Variants in BTN3A2 observed in about 807,000 individuals in gnomAD.
The protein encoded by BTN3A2 is butyrophilin subfamily 3 member A2, also known as butyrophilin protein.
BTN3A2 carries 25 observed loss-of-function variants against 37.6 expected under a neutral mutation model. The ratio of observed to expected loss-of-function variants is 0.66; its 90% CI spans 0.48 to 0.93. The LOEUF is 0.93. Among genes scored for constraint, BTN3A2 ranks in the 40% least tolerant of loss-of-function variants. The probability of loss-of-function intolerance (pLI) is 0.00; values close to 1 mark genes in which losing one functional copy is unlikely to be tolerated. For synonymous variants in BTN3A2, 122 were observed against 159.4 expected (o/e 0.77, Z 1.77); for missense variants, 266 against 410.9 (o/e 0.65, Z 3.05).
rs750198408 is a variant in BTN3A2, at chr6:26,373,237, C to CTTTTTTTTTTTT, written c.917-25_917-14dup. On this transcript the variant is annotated intron_variant, in intron 6 of 10. Transcript: ENST00000377708. ...ACCAACCTCACCCATAACAGTTCAT[C>CTTTTTTTTTTTT]TTTTTTTTTTTTTTTTTTTTTTTTT... The CTTTTTTTTTTTT allele has an allele frequency of 8.9e-5, 121 of 1,352,730 alleles. 1 individual carries two copies. Among genetic ancestry groups the CTTTTTTTTTTTT allele is most frequent in the South Asian group, 2.3e-4 (17 of 75,514 alleles). The allele number at this position is 1,352,730 out of a possible 1,614,324, so 83.8% of individuals were successfully genotyped here. A position where few individuals can be genotyped will look rare whatever the true frequency, so the allele number is the denominator to read the frequency against.
chr6:26,378,170 A>C lies in BTN3A2; in HGVS notation c.*2408A>C, dbSNP rs1478373047. 1 of 152,176 alleles carries C rather than the reference A, an allele frequency of 6.6e-6. No individual in the cohort carries two copies. The highest frequency in any genetic ancestry group is 6.5e-5 in the Admixed American group (1 of 15,278). 9.4% of individuals were successfully genotyped at this position (152,176 alleles called of 1,614,324 possible). A position where few individuals can be genotyped will look rare whatever the true frequency, so the allele number is the denominator to read the frequency against. On this transcript the variant is annotated 3_prime_UTR_variant, in exon 11 of 11. Transcript: ENST00000377708. Reference sequence around the variant, plus strand: ...CCACTCCTGGTCATTGGTGGATGTTAAACCCATATTCCTTTCAACTGCTGC... The same window carrying C: ...CCACTCCTGGTCATTGGTGGATGTTCAACCCATATTCCTTTCAACTGCTGC...
chr6:26,371,223 T>C (rs1241028592), intron 5 of BTN3A2, among the ~76,000 whole-genome samples: 3 of 151,986 alleles, frequency 2.0e-5, no homozygotes, highest in Non-Finnish European at 4.4e-5. Context: ...AGCAGACCAC[T>C]GCACTCCAGC....
At chr6:26,371,533 T>G (rs931807603) in intron 5 of BTN3A2, among the ~76,000 whole-genome samples, 6 of 152,206 alleles carry the variant, frequency 3.9e-5, no homozygotes, top group African/African-American at 1.4e-4. Flanking sequence ...GTGCATTAGG[T>G]CAACCTCTGT....
At chr6:26,374,915 G>A (rs2073528) in intron 10 of BTN3A2, 117 bp downstream of exon 10, 9 of 1,094,056 alleles carry the variant, frequency 8.2e-6, no homozygotes, top group Admixed American at 2.3e-5. Flanking sequence ...GACTTCCTTC[G>A]TGGGTAGGAA....
intron 1 of BTN3A2, among the ~76,000 whole-genome samples, 183 bp from the exon 2 acceptor site, chr6:26,367,807 A>G (rs1252071089): frequency 6.6e-6 from 1 of 152,184 alleles, no homozygotes; most frequent in Non-Finnish European, 1.5e-5. Context: ...ACACCCACAG[A>G]GCTGAACAAG....
Position 26,376,400 on chromosome 6 carries a change from T to A in BTN3A2, c.*638T>A, listed in dbSNP as rs12214031. The A allele has an allele frequency of 2.4e-5, 11 of 453,970 alleles. No homozygotes were observed. The highest frequency in any genetic ancestry group is 1.8e-4 in the African/African-American group (9 of 49,614). 28.1% of individuals were successfully genotyped at this position (453,970 alleles called of 1,614,324 possible). ...TTACTTTCATTTCCCCTCTGGTCAC[T>A]AGACCCCTGGGGCTTTCACCAATGA... On this transcript the variant is annotated 3_prime_UTR_variant, in exon 11 of 11. Transcript: ENST00000377708.
At chr6:26,374,237 AAAAGAC>A in intron 8 of BTN3A2, 84 bp from the exon 9 acceptor site, 1 of 488,648 alleles carries the variant, frequency 2.0e-6, no homozygotes, top group Non-Finnish European at 3.4e-6. Flanking sequence ...AAAAAAAAAA[AAAAGAC>A]TAGATGGATG....
intron 3 of BTN3A2, 82 bp from the exon 4 acceptor site, chr6:26,368,483 C>T (rs775327493): frequency 6.2e-7 from 1 of 1,606,990 alleles, no homozygotes; most frequent in Non-Finnish European, 8.5e-7. Flanking sequence ...CTGTATCTCG[C>T]CTTCCCTGTC....
chr6:26,370,737 T>C, intron 5 of BTN3A2, 134 bp downstream of exon 5: 1 of 1,436,236 alleles, frequency 7.0e-7, no homozygotes, highest in Non-Finnish European at 9.3e-7. Context: ...TGGAGGCTCC[T>C]CTTTGTGCCA....
intron 4 of BTN3A2, 126 bp from the exon 5 acceptor site, chr6:26,370,196 T>C: frequency 1.5e-6 from 2 of 1,301,492 alleles, no homozygotes; most frequent in Non-Finnish European, 2.1e-6. Context: ...ATGACCACAC[T>C]TTTGTAAACA....
intron 8 of BTN3A2, 126 bp from the exon 9 acceptor site, chr6:26,374,201 T>TAAAAAAAAAAAA (rs34655395): frequency 3.2e-5 from 8 of 246,806 alleles, no homozygotes; most frequent in African/African-American, 2.4e-4. Context: ...GGTGGGATGG[T>TAAAAAAAAAAAA]AAAAAAAAAA....
intron 8 of BTN3A2, 27 bp downstream of exon 8, chr6:26,373,440 A>G (rs777553975): frequency 6.3e-7 from 1 of 1,597,356 alleles, no homozygotes. Flanking sequence ...TTTTCTCTGA[A>G]TTCAAATCTG....
At position 26,376,726 on chromosome 6, in the gene BTN3A2, T is replaced by C. The variant is rs534814181; in HGVS notation, c.*964T>C. ...TGTGTGCTTGGCTGTGAAAGCTTCATGTCAGAGAGACACTACTGGGAGGTG... is the reference window on the plus strand; with the variant it reads ...TGTGTGCTTGGCTGTGAAAGCTTCACGTCAGAGAGACACTACTGGGAGGTG... On this transcript the variant is annotated 3_prime_UTR_variant, in exon 11 of 11. Transcript: ENST00000377708. The C allele has an allele frequency of 8.2e-4, 1,303 of 1,585,368 alleles. 1 individual carries two copies. Among genetic ancestry groups the C allele is most frequent in the Middle Eastern group, 3.8e-3 (23 of 5,982 alleles).
intron 5 of BTN3A2, among the ~76,000 whole-genome samples, chr6:26,371,424 A>T (rs967816287): frequency 6.6e-6 from 1 of 152,150 alleles, no homozygotes; most frequent in African/African-American, 2.4e-5. Flanking sequence ...TATTTGCAAA[A>T]ATCAAAACTG....
intron 1 of BTN3A2, among the ~76,000 whole-genome samples, chr6:26,366,779 A>G (rs1285471872): frequency 1.3e-5 from 2 of 152,192 alleles, no homozygotes; most frequent in African/African-American, 4.8e-5. Flanking sequence ...CTCAGAGGCC[A>G]TTCCCAGACC....
At chr6:26,375,718 T>C in intron 10 of BTN3A2, 79 bp from the exon 11 acceptor site, 1 of 1,540,704 alleles carries the variant, frequency 6.5e-7, no homozygotes, top group Non-Finnish European at 8.8e-7. Flanking sequence ...GCTTCCTTCA[T>C]GGCCTGCTGT....
At chr6:26,369,161 G>A (rs1759840911) in intron 4 of BTN3A2, among the ~76,000 whole-genome samples, 1 of 152,214 alleles carries the variant, frequency 6.6e-6, no homozygotes, top group Non-Finnish European at 1.5e-5. Flanking sequence ...TAAGCGAAGT[G>A]AAGGACGAGG....
chr6:26,375,139 G>C (rs1265164731), intron 10 of BTN3A2: 1 of 256,490 alleles, frequency 3.9e-6, no homozygotes. Context: ...ATTGCAATCT[G>C]TTTTTCATGG....
In BTN3A2 at chr6:26,376,635, A is replaced by C; in HGVS notation, c.*873A>C. ...CCTCCTTGTTTCTGAGGACCAGAGG[A>C]GTGTACAGCGTGCTGAGGAGCCCCA... On this transcript the variant is annotated 3_prime_UTR_variant, in exon 11 of 11. Coordinates refer to ENST00000377708, the MANE Select transcript of BTN3A2 (RefSeq NM_007047.5). 1 of 1,468,472 alleles carries C rather than the reference A, an allele frequency of 6.8e-7. No homozygotes were observed. The highest frequency in any genetic ancestry group is 9.5e-7 in the Non-Finnish European group (1 of 1,052,774). The allele number at this position is 1,468,472 out of a possible 1,614,324, so 91.0% of individuals were successfully genotyped here. A position where few individuals can be genotyped will look rare whatever the true frequency, so the allele number is the denominator to read the frequency against.
Sources: allele counts gnomAD v4.1 joint callset (sites outside exome capture counted in the v4.1 genomes callset), GRCh38; gene constraint gnomAD v4.1.1; transcripts MANE v1.5; gene names NCBI Gene and HGNC (gene_info 2026-07-23, HGNC 2026-07-21).